Variants in NNT observed in about 807,000 individuals in gnomAD.
NNT encodes nicotinamide nucleotide transhydrogenase, also known as NAD(P) transhydrogenase, mitochondrial.
NNT carries 50 observed loss-of-function variants against 104.8 expected under a neutral mutation model. That is an observed-to-expected ratio of 0.48 (90% CI 0.38 to 0.60). NNT has a LOEUF of 0.60. Among genes scored for constraint, NNT ranks in the 20% least tolerant of loss-of-function variants. The pLI is 0.00. For missense variants in NNT, 1,131 were observed against 1,330.7 expected (o/e 0.85, Z 2.33); for synonymous variants, 461 against 490.4 (o/e 0.94, Z 0.79).
chr5:43,696,387 C>T (rs977418987), intron 19 of NNT, among the ~76,000 whole-genome samples: 2 of 152,160 alleles, frequency 1.3e-5, no homozygotes, highest in African/African-American at 4.8e-5. Context: ...TTGGGTAGCT[C>T]TGCCCCTGTG....
intron 17 of NNT, among the ~76,000 whole-genome samples, chr5:43,673,168 C>T (rs113096078): frequency 0.02 from 3,091 of 152,280 alleles, 55 homozygotes; most frequent in South Asian, 0.049. Flanking sequence ...CCTGATTTTC[C>T]GGGTGCCCTC....
chr5:43,701,997 C>T (rs952739689), intron 20 of NNT, among the ~76,000 whole-genome samples: 7 of 151,266 alleles, frequency 4.6e-5, no homozygotes, highest in Admixed American at 2.6e-4. Flanking sequence ...TTATAGATTC[C>T]GGATATTAGA....
chr5:43,605,288 G>A (rs10060006), intron 1 of NNT, among the ~76,000 whole-genome samples: 1,882 of 151,190 alleles, frequency 0.012, 39 homozygotes, highest in African/African-American at 0.039. Context: ...AGGCCGAGGC[G>A]GGTGGATCAT....
intron 19 of NNT, among the ~76,000 whole-genome samples, chr5:43,681,307 A>G (rs1385696343): frequency 2.6e-5 from 4 of 151,632 alleles, no homozygotes; most frequent in African/African-American, 9.7e-5. Context: ...TTTTATTATA[A>G]TTACTGCTTG....
At chr5:43,692,542 T>C (rs1392979906) in intron 19 of NNT, among the ~76,000 whole-genome samples, 3 of 152,218 alleles carry the variant, frequency 2.0e-5, no homozygotes, top group Non-Finnish European at 2.9e-5. Flanking sequence ...CAGGCTGGTC[T>C]CGAACTCCTG....
chr5:43,628,406 G>A lies in NNT; in HGVS notation c.964+19G>A, dbSNP rs1750481897. ...ATTCCAGGTATGCCATTAAGTAAAC[G>A]GTTATTTTAAAAGCACTTTTACTCT... On this transcript the variant is annotated intron_variant, in intron 7 of 21. Transcript: ENST00000344920. The A allele has an allele frequency of 3.3e-6, 5 of 1,526,644 alleles. No individual in the cohort carries two copies. Among genetic ancestry groups the A allele is most frequent in the East Asian group, 2.4e-5 (1 of 41,588 alleles). The allele number at this position is 1,526,644 out of a possible 1,614,324, so 94.6% of individuals were successfully genotyped here.
Position 43,644,290 on chromosome 5 carries a change from G to C in NNT, c.1063G>C (p.Glu355Gln). The C allele has an allele frequency of 6.2e-7, 1 of 1,613,924 alleles. No homozygotes were observed. Among genetic ancestry groups the C allele is most frequent in the Non-Finnish European group, 8.5e-7 (1 of 1,179,978 alleles). The change falls in exon 8 of 22, where the codon GAA (glutamate) becomes CAA (glutamine). Residue 355 changes from glutamate to glutamine, a missense_variant. By Grantham distance (29) the Glu-to-Gln change is conservative. Transcript: ENST00000344920. ...AGCTGCTGAGGCTGGTGGAAACTTTGAAACCACTAAGCCAGGAGAACTCTA... is the reference window on the plus strand; with the variant it reads ...AGCTGCTGAGGCTGGTGGAAACTTTCAAACCACTAAGCCAGGAGAACTCTA... ...DLAAEAGGNF[E>Q]TTKPGELYIH...
intron 10 of NNT, chr5:43,648,157 T>C: frequency 8.9e-7 from 1 of 1,119,594 alleles, no homozygotes; most frequent in Non-Finnish European, 1.1e-6. Flanking sequence ...GGCTATGCAC[T>C]GGAACTTTGG....
chr5:43,641,254 C>T (rs184102564), intron 7 of NNT, among the ~76,000 whole-genome samples: 2 of 152,068 alleles, frequency 1.3e-5, no homozygotes, highest in African/African-American at 4.8e-5. Flanking sequence ...TTATCTGGAG[C>T]TTTTATTTAC....
chr5:43,646,048 G>A (rs1211373869), intron 10 of NNT, among the ~76,000 whole-genome samples: 1 of 152,016 alleles, frequency 6.6e-6, no homozygotes, highest in Non-Finnish European at 1.5e-5. Context: ...ATTAGTAAAT[G>A]AAATGCTGTT....
intron 17 of NNT, chr5:43,667,069 T>C (rs986773660): frequency 5.6e-6 from 9 of 1,593,832 alleles, no homozygotes; most frequent in African/African-American, 2.7e-5. Flanking sequence ...CTGCATCTTC[T>C]TTAGGCCCTT....
chr5:43,631,759 A>G (rs1422923099), intron 7 of NNT, among the ~76,000 whole-genome samples: 1 of 152,178 alleles, frequency 6.6e-6, no homozygotes. Flanking sequence ...TATAGTTAGC[A>G]TACTTTAGTA....
At chr5:43,689,296 G>C (rs1366701835) in intron 19 of NNT, among the ~76,000 whole-genome samples, 1 of 152,186 alleles carries the variant, frequency 6.6e-6, no homozygotes, top group East Asian at 1.9e-4. Context: ...TCTTTTGTCA[G>C]ATGTATAGAT....
chr5:43,615,730 G>A (rs1749750421), intron 3 of NNT, 118 bp from the exon 4 acceptor site: 1 of 799,214 alleles, frequency 1.3e-6, no homozygotes, highest in Non-Finnish European at 2.0e-6. Flanking sequence ...ATTATTGATG[G>A]AAGATTTATT....
At chr5:43,679,858 A>G in intron 19 of NNT, among the ~76,000 whole-genome samples, 1 of 152,016 alleles carries the variant, frequency 6.6e-6, no homozygotes, top group East Asian at 1.9e-4. Context: ...ATAATTATTA[A>G]CATAGTTCAA....
intron 1 of NNT, among the ~76,000 whole-genome samples, chr5:43,608,343 G>T (rs567708947): frequency 2.0e-5 from 3 of 152,304 alleles, no homozygotes; most frequent in East Asian, 3.9e-4. Flanking sequence ...TGTGGTGGAG[G>T]TAGTTCCTGA....
At chr5:43,666,105 C>T (rs902289008) in intron 17 of NNT, among the ~76,000 whole-genome samples, 7 of 151,294 alleles carry the variant, frequency 4.6e-5, no homozygotes, top group African/African-American at 1.5e-4. Flanking sequence ...CCTCACTTCC[C>T]GGACTGGGCG....
intron 4 of NNT, 40 bp downstream of exon 4, chr5:43,616,105 G>C (rs1749772792): frequency 6.6e-7 from 1 of 1,522,610 alleles, no homozygotes; most frequent in Non-Finnish European, 9.1e-7. Flanking sequence ...AAGCGCAATA[G>C]TGCTACAGAA....
At chr5:43,642,376 C>T (rs531638637) in intron 7 of NNT, among the ~76,000 whole-genome samples, 1 of 152,264 alleles carries the variant, frequency 6.6e-6, no homozygotes, top group Admixed American at 6.5e-5. Context: ...GGTTTGCTTC[C>T]TCAAATTCTC....
Sources: allele counts gnomAD v4.1 joint callset (sites outside exome capture counted in the v4.1 genomes callset), GRCh38; gene constraint gnomAD v4.1.1; transcripts MANE v1.5; gene names NCBI Gene and HGNC (gene_info 2026-07-23, HGNC 2026-07-21).